Variants in RECK observed in about 807,000 individuals in gnomAD.
RECK encodes the protein reversion-inducing cysteine-rich protein with Kazal motifs.
A neutral mutation model predicts 115.1 loss-of-function variants in RECK; 69 were observed. That is an observed-to-expected ratio of 0.60 (90% CI 0.49 to 0.73). The LOEUF (loss-of-function observed/expected upper bound fraction) is 0.73. Among genes scored for constraint, RECK ranks in the 30% least tolerant of loss-of-function variants. The pLI is 0.00. For missense variants in RECK, 1,047 were observed against 1,203.7 expected (o/e 0.87, Z 1.93); for synonymous variants, 414 against 419.7 (o/e 0.99, Z 0.17).
At chr9:36,082,073 G>A (rs1021641086) in intron 7 of RECK, among the ~76,000 whole-genome samples, 15 of 151,252 alleles carry the variant, frequency 9.9e-5, no homozygotes, top group African/African-American at 1.9e-4. Context: ...CTGCTCATGG[G>A]TCTTTGGAAT....
chr9:36,111,487 G>A (rs1824040592), intron 15 of RECK, among the ~76,000 whole-genome samples: 1 of 152,160 alleles, frequency 6.6e-6, no homozygotes, highest in Admixed American at 6.5e-5. Context: ...TCCGCCTCCT[G>A]GGATCAAGCA....
At chr9:36,075,380 T>A (rs941715892) in intron 6 of RECK, among the ~76,000 whole-genome samples, 2 of 151,962 alleles carry the variant, frequency 1.3e-5, no homozygotes, top group African/African-American at 4.8e-5. Context: ...CAAATTTTTC[T>A]GAGCAGTCTA....
chr9:36,100,600 C>T, intron 11 of RECK, 57 bp downstream of exon 11: 1 of 1,289,792 alleles, frequency 7.8e-7, no homozygotes, highest in South Asian at 1.3e-5. Flanking sequence ...TCCGTGATCT[C>T]TAGCCAGAGC....
chr9:36,066,739 A>G (rs1294817574), intron 6 of RECK: 3 of 1,178,576 alleles, frequency 2.5e-6, no homozygotes, highest in Non-Finnish European at 3.3e-6. Flanking sequence ...TTTCTCCTAC[A>G]TGATGTCTGA....
intron 16 of RECK, 106 bp from the exon 17 acceptor site, chr9:36,116,879 C>T: frequency 1.2e-6 from 1 of 854,962 alleles, no homozygotes; most frequent in Non-Finnish European, 1.9e-6. Flanking sequence ...TGTCCTGATT[C>T]ATCTCTTGCT....
intron 9 of RECK, 68 bp from the exon 10 acceptor site, chr9:36,091,096 G>A: frequency 6.8e-7 from 1 of 1,476,068 alleles, no homozygotes; most frequent in Non-Finnish European, 9.4e-7. Context: ...TAGAGTTTTA[G>A]TTTTATGCAA....
intron 6 of RECK, among the ~76,000 whole-genome samples, chr9:36,068,787 T>C (rs1822112002): frequency 6.6e-6 from 1 of 152,176 alleles, no homozygotes; most frequent in African/African-American, 2.4e-5. Flanking sequence ...AATATGCTCA[T>C]CTCCCTTTCC....
intron 6 of RECK, among the ~76,000 whole-genome samples, chr9:36,071,160 C>T (rs1822214322): frequency 6.6e-6 from 1 of 152,100 alleles, no homozygotes; most frequent in Non-Finnish European, 1.5e-5. Context: ...TCATGTTTTC[C>T]AGGGGGTGTG....
chr9:36,082,619 A>G (rs1157148987), intron 7 of RECK, among the ~76,000 whole-genome samples: 1 of 152,156 alleles, frequency 6.6e-6, no homozygotes, highest in Non-Finnish European at 1.5e-5. Context: ...AATACCTTAA[A>G]TGACAGCCCA....
intron 6 of RECK, among the ~76,000 whole-genome samples, chr9:36,066,456 G>T (rs1376369919): frequency 2.0e-5 from 3 of 151,958 alleles, no homozygotes; most frequent in Non-Finnish European, 2.9e-5. Context: ...ACTACTTCTA[G>T]GTTATAGTTT....
At chr9:36,121,782 C>T (rs556053015) in intron 20 of RECK, 94 bp downstream of exon 20, 12 of 1,348,426 alleles carry the variant, frequency 8.9e-6, no homozygotes, top group Admixed American at 3.9e-5. Flanking sequence ...AGGAAGGATC[C>T]GTGGGTGAGG....
intron 6 of RECK, chr9:36,072,838 T>A (rs1211703431): frequency 6.6e-6 from 1 of 152,176 alleles, no homozygotes; most frequent in Non-Finnish European, 1.5e-5. Context: ...CTATTTAGTC[T>A]CCTTGCTGCT....
chr9:36,120,505 G>T (rs1001880822), intron 18 of RECK, among the ~76,000 whole-genome samples, 158 bp from the exon 19 acceptor site: 21 of 152,154 alleles, frequency 1.4e-4, no homozygotes, highest in Admixed American at 4.6e-4. Flanking sequence ...GAGATGAGAG[G>T]ACTCCAGGTT....
intron 13 of RECK, 132 bp downstream of exon 13, chr9:36,105,415 G>A: frequency 1.3e-6 from 1 of 783,858 alleles, no homozygotes; most frequent in South Asian, 2.0e-5. Context: ...GATTATGAGG[G>A]ACTTCATGTT....
At chr9:36,119,279 T>C (rs1365705067) in intron 18 of RECK, among the ~76,000 whole-genome samples, 4 of 152,248 alleles carry the variant, frequency 2.6e-5, no homozygotes, top group African/African-American at 9.6e-5. Flanking sequence ...AAATGCATAA[T>C]GTTTACTTAT....
chr9:36,097,069 A>G (rs754660985), intron 10 of RECK, among the ~76,000 whole-genome samples: 2 of 152,188 alleles, frequency 1.3e-5, no homozygotes, highest in African/African-American at 2.4e-5. Flanking sequence ...CACACCTGTA[A>G]TCTCAACACT....
intron 10 of RECK, among the ~76,000 whole-genome samples, chr9:36,100,097 A>G (rs1466349691): frequency 6.6e-6 from 1 of 152,184 alleles, no homozygotes; most frequent in African/African-American, 2.4e-5. Context: ...GAGAATTGTG[A>G]AGTTTTAAAC....
intron 6 of RECK, among the ~76,000 whole-genome samples, chr9:36,075,436 A>C (rs1286787546): frequency 6.6e-6 from 1 of 152,190 alleles, no homozygotes; most frequent in African/African-American, 2.4e-5. Flanking sequence ...TTTTATTTGC[A>C]TATCTGTTGA....
chr9:36,040,113 A>G (rs1255331297), intron 1 of RECK, among the ~76,000 whole-genome samples: 1 of 152,270 alleles, frequency 6.6e-6, no homozygotes, highest in East Asian at 1.9e-4. Flanking sequence ...AGTACTTATT[A>G]TACGTCAGGC....
Sources: gnomAD v4.1 joint callset for allele counts (sites outside exome capture counted in the v4.1 genomes callset) on GRCh38, gnomAD v4.1.1 for gene constraint, MANE v1.5 for transcripts, NCBI Gene and HGNC (gene_info 2026-07-23, HGNC 2026-07-21) for gene names.